Variants in GRIK5 observed in about 807,000 individuals in gnomAD.
GRIK5 encodes glutamate receptor ionotropic, kainate 5.
GRIK5 carries 43 observed loss-of-function variants against 97.4 expected under a neutral mutation model. The observed-to-expected ratio is 0.44, with a 90% CI of 0.35 to 0.57. The LOEUF (loss-of-function observed/expected upper bound fraction) is 0.57, where lower values mean the gene tolerates loss of function less well. Ranked by LOEUF, GRIK5 falls within the 20% of genes least tolerant of loss-of-function variation. The pLI is 0.01. For synonymous variants in GRIK5, 580 were observed against 583.5 expected (o/e 0.99, Z 0.09); for missense variants, 1,015 against 1,382.0 (o/e 0.73, Z 4.21).
chr19:42,009,835 T>C (rs1428442374), intron 15 of GRIK5, among the ~76,000 whole-genome samples: 2 of 143,450 alleles, frequency 1.4e-5, no homozygotes, highest in East Asian at 4.3e-4. Flanking sequence ...CGGAGGCCGA[T>C]GGGGGCGGAT....
chr19:42,015,914 C>A (rs2075618503), intron 15 of GRIK5, among the ~76,000 whole-genome samples: 1 of 152,182 alleles, frequency 6.6e-6, no homozygotes, highest in Non-Finnish European at 1.5e-5. Context: ...ATAATGAAAA[C>A]AGCAATGTCC....
chr19:42,065,614 T>C lies in GRIK5; in HGVS notation c.79+78A>G. ...CTGAAGAGAGCTGAGACCTGGACCC[T>C]GACGGACTGGCATGCCTGGGTCCCC... On this transcript the variant is annotated intron_variant, in intron 2 of 19. Transcript: ENST00000593562. This position sits in a 1 kb window ranked among gnomAD's most constrained non-coding sequence, Gnocchi z 5.8. The C allele has an allele frequency of 7.9e-7, 1 of 1,261,010 alleles. No homozygotes were observed. Among genetic ancestry groups the C allele is most frequent in the Non-Finnish European group, 1.1e-6 (1 of 892,372 alleles). 78.1% of individuals were successfully genotyped at this position (1,261,010 alleles called of 1,614,324 possible).
rs1324284774 is a variant in GRIK5 at position 42,003,015 on chromosome 19, T to C, written c.2514+317A>G. On this transcript the variant is annotated intron_variant, in intron 19 of 19. Coordinates refer to ENST00000593562, the MANE Select transcript of GRIK5 (RefSeq NM_002088.5). The surrounding 1 kb of genome is among the most constrained non-coding windows in gnomAD (Gnocchi z 4.2). Reference sequence around the variant, plus strand: ...CCTCCCAAAGTGCTGGGATTACAGGTGTGAGCCACTGCACTTGGCCCTGTT... The same window carrying C: ...CCTCCCAAAGTGCTGGGATTACAGGCGTGAGCCACTGCACTTGGCCCTGTT... Among the ~76,000 whole-genome samples the C allele has an allele frequency of 1.3e-5, 2 of 152,058 alleles. No homozygotes were observed. The highest frequency in any genetic ancestry group is 2.9e-5 in the Non-Finnish European group (2 of 67,984).
intron 12 of GRIK5, among the ~76,000 whole-genome samples, chr19:42,030,701 C>A (rs1027447642): frequency 6.6e-6 from 1 of 151,882 alleles, no homozygotes; most frequent in African/African-American, 2.4e-5. Flanking sequence ...TGAGCTCAAG[C>A]AATCCTCCTG....
At position 42,065,837 on chromosome 19, in the gene GRIK5, C is replaced by A; in HGVS notation, c.-50-17G>T. 1 of 1,296,586 alleles carries A rather than the reference C, an allele frequency of 7.7e-7. No homozygotes were observed. Among genetic ancestry groups the A allele is most frequent in the Non-Finnish European group, 1.1e-6 (1 of 926,866 alleles). 80.3% of individuals were successfully genotyped at this position (1,296,586 alleles called of 1,614,324 possible). On this transcript the variant is annotated splice_polypyrimidine_tract_variant and intron_variant, in intron 1 of 19. Transcript: ENST00000593562. The surrounding 1 kb of genome is among the most constrained non-coding windows in gnomAD (Gnocchi z 5.8). Reference sequence around the variant, plus strand: ...ACTCGCCACCTGCAGGGAGACCCCCCAGACCAAGGGGAGATTACTATGTGG... The same window carrying A: ...ACTCGCCACCTGCAGGGAGACCCCCAAGACCAAGGGGAGATTACTATGTGG...
rs1385966158 is a variant in GRIK5, at chr19:42,021,077, G to A, written c.1871+224C>T. Among the ~76,000 whole-genome samples the A allele has an allele frequency of 6.6e-6, 1 of 152,140 alleles. No homozygotes were observed. Among genetic ancestry groups the A allele is most frequent in the African/African-American group, 2.4e-5 (1 of 41,432 alleles). The stretch of plus-strand genomic sequence containing the variant: ...GGGCATCTTTCTCCCCATCTTTCAG[G>A]GAGGTCACTGAGGCAAAGGGAGGGT... On this transcript the variant is annotated intron_variant, in intron 15 of 19. Coordinates refer to ENST00000593562, the MANE Select transcript of GRIK5 (RefSeq NM_002088.5). The surrounding 1 kb of genome is among the most constrained non-coding windows in gnomAD (Gnocchi z 4.2).
Position 42,065,584 on chromosome 19 carries a change from T to C in GRIK5, c.79+108A>G. The C allele has an allele frequency of 9.3e-7, 1 of 1,075,914 alleles. No individual in the cohort carries two copies. Among genetic ancestry groups the C allele is most frequent in the Non-Finnish European group, 1.3e-6 (1 of 743,578 alleles). 66.6% of individuals were successfully genotyped at this position (1,075,914 alleles called of 1,614,324 possible). On this transcript the variant is annotated intron_variant, in intron 2 of 19. Coordinates refer to ENST00000593562, the MANE Select transcript of GRIK5 (RefSeq NM_002088.5). This position sits in a 1 kb window ranked among gnomAD's most constrained non-coding sequence, Gnocchi z 5.8. ...GGAGGAACTGGAGGCTGGGATTCCT[T>C]GCTGCTGAAGAGAGCTGAGACCTGG... is the stretch of plus-strand genomic sequence containing the variant.
rs562387400 is a variant in GRIK5, at chr19:42,029,321, C to G, written c.1474-6967G>C. Among the ~76,000 whole-genome samples, 3 of 152,032 alleles carry G rather than the reference C, an allele frequency of 2.0e-5. No homozygotes were observed. In the East Asian group the frequency reaches 5.9e-4, roughly 30 times the overall value. ...GACCTCGTGATCCGCCCTCCTCAGCCTCCCACAGTGCTGGGATTACAGGCG... is the reference window on the plus strand; with the variant it reads ...GACCTCGTGATCCGCCCTCCTCAGCGTCCCACAGTGCTGGGATTACAGGCG... On this transcript the variant is annotated intron_variant, in intron 12 of 19. Transcript: ENST00000593562.
intron 12 of GRIK5, among the ~76,000 whole-genome samples, chr19:42,028,917 ATACT>A (rs540807741): frequency 2.0e-5 from 3 of 152,208 alleles, no homozygotes; most frequent in South Asian, 4.1e-4. Context: ...AAAGCTGAAA[ATACT>A]TACACTCTTG....
Position 42,003,672 on chromosome 19 carries a change from G to A in GRIK5, c.2275C>T (p.Arg759Trp), listed in dbSNP as rs782656335. The change falls in exon 18 of 20, where the codon CGG (arginine) becomes TGG (tryptophan). Residue 759 changes from arginine to tryptophan, a missense_variant. Arg to Trp is a moderately radical substitution (Grantham distance 101). Transcript: ENST00000593562. The surrounding 1 kb of genome is among the most constrained non-coding windows in gnomAD (Gnocchi z 4.2). Reference sequence around the variant, plus strand: ...AGGATGGCCAGTGTGATCTCATCCCGGAACGGGGAGCCTGGGCAGGCACAC... The same window carrying A: ...AGGATGGCCAGTGTGATCTCATCCCAGAACGGGGAGCCTGGGCAGGCACAC... ...GIGMPLGSPF[R>W]DEITLAILQL... 8.1e-6 allele frequency: 13 copies of A among 1,611,316 alleles called. No homozygotes were observed. Among genetic ancestry groups the A allele is most frequent in the Non-Finnish European group, 1.1e-5 (13 of 1,178,592 alleles).
At chr19:42,066,892 G>A (rs2076341118) in intron 1 of GRIK5, among the ~76,000 whole-genome samples, 1 of 152,064 alleles carries the variant, frequency 6.6e-6, no homozygotes, top group South Asian at 2.1e-4. Flanking sequence ...GGCAGGGAGT[G>A]GAGCTGCCTG....
intron 11 of GRIK5, among the ~76,000 whole-genome samples, chr19:42,053,378 G>A (rs1429863519): frequency 1.3e-5 from 2 of 152,244 alleles, no homozygotes; most frequent in African/African-American, 4.8e-5. Context: ...ACTGTGCAAA[G>A]AGCTGGGTTA....
At chr19:42,020,291 AAAT>A (rs1568893392) in intron 15 of GRIK5, among the ~76,000 whole-genome samples, 1 of 152,174 alleles carries the variant, frequency 6.6e-6, no homozygotes, top group Non-Finnish European at 1.5e-5. Flanking sequence ...GGCACAAATT[AAAT>A]AATATCTTTG....
intron 6 of GRIK5, 118 bp downstream of exon 6, chr19:42,059,231 A>G (rs1449156145): frequency 4.1e-6 from 3 of 734,696 alleles, no homozygotes; most frequent in East Asian, 2.5e-5. Flanking sequence ...TCTTCACGGA[A>G]GAAGAAGGTC....
At chr19:42,007,551 G>A (rs956114860) in intron 15 of GRIK5, among the ~76,000 whole-genome samples, 36 of 152,276 alleles carry the variant, frequency 2.4e-4, no homozygotes, top group African/African-American at 8.4e-4. Flanking sequence ...TTGCAGAGAC[G>A]GAGACTGGTG....
chr19:42,068,452 A>G, intron 1 of GRIK5: 1 of 326,740 alleles, frequency 3.1e-6, no homozygotes, highest in Non-Finnish European at 5.6e-6. Flanking sequence ...AAAAGTCAGC[A>G]TGGACCACGG....
At chr19:42,049,724 T>G (rs1036169544) in intron 11 of GRIK5, among the ~76,000 whole-genome samples, 1 of 152,142 alleles carries the variant, frequency 6.6e-6, no homozygotes, top group African/African-American at 2.4e-5. Context: ...ACACGATTTG[T>G]GCACATTTCT....
chr19:42,003,663 T>C lies in GRIK5; in HGVS notation c.2284A>G (p.Ile762Val), dbSNP rs782248960. Residue 762 changes from isoleucine to valine, a missense_variant, in exon 18 of 20, where the codon ATC (isoleucine) becomes GTC (valine). By Grantham distance (29) the Ile-to-Val change is conservative. This residue lies in a region of GRIK5 where 229 missense variants were observed against 341.0 expected (regional missense o/e 0.67). Transcript: ENST00000593562. The surrounding 1 kb of genome is among the most constrained non-coding windows in gnomAD (Gnocchi z 4.2). Reference protein sequence around the residue: ...MPLGSPFRDEITLAILQLQEN... With the variant: ...MPLGSPFRDEVTLAILQLQEN... ...TGAAGCTGCAGGATGGCCAGTGTGATCTCATCCCGGAACGGGGAGCCTGGG... is the reference window on the plus strand; with the variant it reads ...TGAAGCTGCAGGATGGCCAGTGTGACCTCATCCCGGAACGGGGAGCCTGGG... 1 of 1,612,974 alleles carries C rather than the reference T, an allele frequency of 6.2e-7. No homozygotes were observed. The highest frequency in any genetic ancestry group is 1.7e-5 in the Admixed American group (1 of 59,900).
At chr19:42,051,946 T>C (rs1360675909) in intron 11 of GRIK5, among the ~76,000 whole-genome samples, 1 of 152,178 alleles carries the variant, frequency 6.6e-6, no homozygotes, top group Non-Finnish European at 1.5e-5. Flanking sequence ...TAAAGCTGAC[T>C]CAGTCCCTCC....
Sources: allele counts gnomAD v4.1 joint callset (sites outside exome capture counted in the v4.1 genomes callset), GRCh38; gene constraint gnomAD v4.1.1; regional missense constraint gnomAD v4.1.1; non-coding constraint Gnocchi (gnomAD v3.1); transcripts MANE v1.5; gene names NCBI Gene and HGNC (gene_info 2026-07-23, HGNC 2026-07-21).